The following TSPAN5 variants were observed in gnomAD, a reference collection of about 807,000 sequenced individuals.
TSPAN5 encodes tetraspanin-5.
Under a neutral mutation model 37.1 loss-of-function variants are expected in TSPAN5, and 10 were observed. The observed-to-expected ratio is 0.27, with a 90% confidence interval of 0.17 to 0.46. The LOEUF (loss-of-function observed/expected upper bound fraction) is 0.46. TSPAN5 is among the 20% of genes least tolerant of loss of function. The probability of loss-of-function intolerance (pLI) is 1.00; values close to 1 mark genes in which losing one functional copy is unlikely to be tolerated. For missense variants in TSPAN5, 195 were observed against 326.6 expected, an observed-to-expected ratio of 0.60 and a Z score of 3.11; for synonymous variants, 110 against 118.9, an observed-to-expected ratio of 0.93 and a Z score of 0.48.
At chr4:98,517,288 C>A (rs1454853437) in intron 1 of TSPAN5, among the ~76,000 whole-genome samples, 3 of 152,072 alleles carry the variant, frequency 2.0e-5, no homozygotes, top group African/African-American at 7.2e-5. Context: ...ATAATTCAGC[C>A]ACACATCCAC....
intron 2 of TSPAN5, among the ~76,000 whole-genome samples, chr4:98,506,684 G>T (rs1753483647): frequency 6.6e-6 from 1 of 152,142 alleles, no homozygotes; most frequent in East Asian, 1.9e-4. Context: ...CAGGCTAGAG[G>T]GTGAAACACC....
At chr4:98,502,385 T>G (rs766571861) in intron 2 of TSPAN5, among the ~76,000 whole-genome samples, 38 of 152,024 alleles carry the variant, frequency 2.5e-4, no homozygotes, top group Admixed American at 3.9e-4. Flanking sequence ...AATTTAGAGG[T>G]CAGGGAAATG....
intron 1 of TSPAN5, among the ~76,000 whole-genome samples, chr4:98,604,488 A>T (rs1044990010): frequency 6.6e-6 from 1 of 152,262 alleles, no homozygotes; most frequent in Non-Finnish European, 1.5e-5. Flanking sequence ...GAACTGTCTT[A>T]TAAAACAGCT....
At chr4:98,554,427 C>T (rs1017179079) in intron 1 of TSPAN5, among the ~76,000 whole-genome samples, 7 of 152,150 alleles carry the variant, frequency 4.6e-5, no homozygotes, top group Non-Finnish European at 8.8e-5. Flanking sequence ...ATGGAGAAAG[C>T]TTATTAAAAA....
chr4:98,472,549 A>G lies in TSPAN5; in HGVS notation c.780T>C (p.Asp260=). 1 of 1,614,080 alleles carries G rather than the reference A, an allele frequency of 6.2e-7. No individual in the cohort carries two copies. The highest frequency in any genetic ancestry group is 8.5e-7 in the Non-Finnish European group (1 of 1,179,992). The change falls in exon 8 of 8, where the codon GAT becomes GAC. Residue 260 remains aspartate, a synonymous_variant. Coordinates refer to ENST00000305798, the MANE Select transcript of TSPAN5 (RefSeq NM_005723.4). ...ACCAGCTCGCCCTGACAGCTTCGAT[A>G]TCGCTAACCAAATTCTGGGCCAGGC... ...GICLAQNLVS[D]IEAVRASW
chr4:98,609,883 G>A (rs1416494234), intron 1 of TSPAN5, among the ~76,000 whole-genome samples: 1 of 152,144 alleles, frequency 6.6e-6, no homozygotes, highest in Non-Finnish European at 1.5e-5. Context: ...GGAGGGCAAA[G>A]GTAAGTCAGA....
chr4:98,567,548 C>A (rs551544005), intron 1 of TSPAN5, among the ~76,000 whole-genome samples: 2 of 152,194 alleles, frequency 1.3e-5, no homozygotes, highest in African/African-American at 4.8e-5. Context: ...CATTATTATG[C>A]CTTTTTTCAG....
chr4:98,566,350 T>A (rs372849156), intron 1 of TSPAN5, among the ~76,000 whole-genome samples: 1 of 44,480 alleles, frequency 2.2e-5, no homozygotes, highest in Non-Finnish European at 4.6e-5. Flanking sequence ...TTATGGCGGG[T>A]GGGGGTGGGG....
At chr4:98,511,201 AT>A (rs1235248894) in intron 1 of TSPAN5, among the ~76,000 whole-genome samples, 2 of 152,226 alleles carry the variant, frequency 1.3e-5, no homozygotes, top group Non-Finnish European at 2.9e-5. Context: ...GTCAACCCAA[AT>A]TTTGATGTTT....
At chr4:98,517,603 G>A (rs535916870) in intron 1 of TSPAN5, among the ~76,000 whole-genome samples, 1 of 152,146 alleles carries the variant, frequency 6.6e-6, no homozygotes, top group Admixed American at 6.5e-5. Context: ...TTAGGGTTTG[G>A]AACTTGACAT....
At chr4:98,531,480 T>C (rs569487285) in intron 1 of TSPAN5, among the ~76,000 whole-genome samples, 11 of 152,330 alleles carry the variant, frequency 7.2e-5, no homozygotes, top group African/African-American at 2.2e-4. Context: ...TGATGGACAT[T>C]TGGGTTGGTT....
chr4:98,624,189 C>T (rs1447833455), intron 1 of TSPAN5, among the ~76,000 whole-genome samples: 2 of 151,962 alleles, frequency 1.3e-5, no homozygotes, highest in Non-Finnish European at 2.9e-5. Context: ...TTATTACCAT[C>T]CCTGTTTTAC....
chr4:98,540,594 T>G (rs558539026), intron 1 of TSPAN5, among the ~76,000 whole-genome samples: 1 of 152,274 alleles, frequency 6.6e-6, no homozygotes, highest in South Asian at 2.1e-4. Flanking sequence ...TGCTTCAGCC[T>G]CCCAAAGTCC....
At chr4:98,528,619 C>T (rs1448307206) in intron 1 of TSPAN5, among the ~76,000 whole-genome samples, 1 of 152,124 alleles carries the variant, frequency 6.6e-6, no homozygotes, top group Non-Finnish European at 1.5e-5. Flanking sequence ...GTCAGCCATA[C>T]TTAACCCAGG....
chr4:98,561,010 C>T (rs1273620796), intron 1 of TSPAN5, among the ~76,000 whole-genome samples: 1 of 152,188 alleles, frequency 6.6e-6, no homozygotes, highest in Non-Finnish European at 1.5e-5. Flanking sequence ...AGCTGTCTAC[C>T]AAAACTCCAT....
At chr4:98,500,920 G>A (rs968365325) in intron 2 of TSPAN5, among the ~76,000 whole-genome samples, 1 of 152,072 alleles carries the variant, frequency 6.6e-6, no homozygotes, top group Non-Finnish European at 1.5e-5. Flanking sequence ...GGGAGGCAGG[G>A]GCAGAATGGG....
chr4:98,568,335 G>A (rs530582499), intron 1 of TSPAN5, among the ~76,000 whole-genome samples: 5 of 152,306 alleles, frequency 3.3e-5, no homozygotes, highest in Admixed American at 3.3e-4. Flanking sequence ...GAGGTCAGGA[G>A]ATCGAGACCA....
At chr4:98,638,907 A>G (rs974784838) in intron 1 of TSPAN5, among the ~76,000 whole-genome samples, 6 of 152,248 alleles carry the variant, frequency 3.9e-5, no homozygotes, top group African/African-American at 1.4e-4. Flanking sequence ...CTGCACATGC[A>G]GTGAGCGTGC....
At chr4:98,568,412 C>G (rs1277742217) in intron 1 of TSPAN5, among the ~76,000 whole-genome samples, 1 of 152,050 alleles carries the variant, frequency 6.6e-6, no homozygotes, top group Admixed American at 6.6e-5. Context: ...CGTGGTGGCA[C>G]GTGCCTGTAG....
Sources: gnomAD v4.1 joint callset for allele counts (sites outside exome capture counted in the v4.1 genomes callset) on GRCh38, gnomAD v4.1.1 for gene constraint, MANE v1.5 for transcripts, NCBI Gene and HGNC (gene_info 2026-07-23, HGNC 2026-07-21) for gene names.